Variants in LARGE1 observed in about 807,000 individuals in gnomAD.
LARGE1 encodes LARGE xylosyl- and glucuronyltransferase 1.
LARGE1 carries 43 observed loss-of-function variants against 87.6 expected under a neutral mutation model. That is an observed-to-expected ratio of 0.49 (90% CI 0.38 to 0.63). LARGE1 has a LOEUF of 0.63. LARGE1 is among the 30% of genes least tolerant of loss of function. LARGE1 has a pLI of 0.00. For missense variants in LARGE1, 802 were observed against 1,000.2 expected, an observed-to-expected ratio of 0.80 and a Z score of 2.67; for synonymous variants, 434 against 394.6, an observed-to-expected ratio of 1.10 and a Z score of -1.18.
intron 11 of LARGE1, among the ~76,000 whole-genome samples, chr22:33,228,642 C>A (rs899237733): frequency 6.6e-6 from 1 of 152,182 alleles, no homozygotes; most frequent in Admixed American, 6.5e-5. Context: ...TCTTTCTCTG[C>A]AATACCAGCT....
chr22:33,821,225 A>C (rs376352284), intron 1 of LARGE1, among the ~76,000 whole-genome samples: 33 of 152,246 alleles, frequency 2.2e-4, no homozygotes, highest in African/African-American at 7.7e-4. Flanking sequence ...GTCACTTCCT[A>C]AGCACAGACG....
At chr22:33,466,726 A>ACTACACACACATACACACACACC (rs2068633655) in intron 6 of LARGE1, among the ~76,000 whole-genome samples, 2 of 149,048 alleles carry the variant, frequency 1.3e-5, no homozygotes, top group Non-Finnish European at 3.0e-5. Context: ...ACACACACAC[A>ACTACACACACATACACACACACC]CTACACACAC....
intron 3 of LARGE1, among the ~76,000 whole-genome samples, chr22:33,632,165 C>T (rs994763354): frequency 1.3e-5 from 2 of 152,170 alleles, no homozygotes; most frequent in African/African-American, 4.8e-5. Context: ...ATCTATCGCC[C>T]AGGCTGGAAT....
intron 1 of LARGE1, among the ~76,000 whole-genome samples, chr22:33,843,520 C>T (rs1346576897): frequency 6.6e-6 from 1 of 151,452 alleles, no homozygotes; most frequent in Non-Finnish European, 1.5e-5. Flanking sequence ...GAAAGAGTAG[C>T]GGATGCAGGA....
chr22:33,260,694 T>C (rs1469881781), intron 11 of LARGE1, among the ~76,000 whole-genome samples: 1 of 152,214 alleles, frequency 6.6e-6, no homozygotes, highest in Non-Finnish European at 1.5e-5. Flanking sequence ...GCCAGTTTTA[T>C]TGTTCAGTCA....
chr22:33,505,080 C>T (rs145339603), intron 6 of LARGE1, among the ~76,000 whole-genome samples: 155 of 152,364 alleles, frequency 1.0e-3, no homozygotes, highest in African/African-American at 3.6e-3. Flanking sequence ...AGCCGCTCAA[C>T]ACACAGAGGA....
At chr22:33,780,982 T>G (rs144085762) in intron 1 of LARGE1, among the ~76,000 whole-genome samples, 1 of 152,244 alleles carries the variant, frequency 6.6e-6, no homozygotes, top group East Asian at 1.9e-4. Flanking sequence ...ATAACTGCGA[T>G]AGCGCACAAA....
intron 5 of LARGE1, among the ~76,000 whole-genome samples, chr22:33,596,242 G>T (rs561012461): frequency 5.3e-5 from 8 of 152,316 alleles, no homozygotes; most frequent in Non-Finnish European, 1.0e-4. Flanking sequence ...TTATAATGCA[G>T]ATTAGAGTTT....
intron 12 of LARGE1, among the ~76,000 whole-genome samples, chr22:33,297,420 C>T (rs1317511939): frequency 6.6e-6 from 1 of 151,730 alleles, no homozygotes; most frequent in Non-Finnish European, 1.5e-5. Context: ...ACCAGCCTGG[C>T]CAACACGGCA....
intron 1 of LARGE1, among the ~76,000 whole-genome samples, chr22:33,812,918 T>G (rs1239773473): frequency 6.6e-6 from 1 of 152,148 alleles, no homozygotes; most frequent in Non-Finnish European, 1.5e-5. Flanking sequence ...AAAAGACAAA[T>G]AAAACAGAGA....
chr22:33,520,574 A>G (rs1255429520), intron 6 of LARGE1, among the ~76,000 whole-genome samples: 1 of 152,204 alleles, frequency 6.6e-6, no homozygotes, highest in African/African-American at 2.4e-5. Context: ...CCCACTGCCC[A>G]CCTGGGCATT....
the LARGE1 span, among the ~76,000 whole-genome samples, chr22:33,150,733 G>T: frequency 6.8e-4 from 103 of 152,162 alleles, no homozygotes; most frequent in African/African-American, 2.4e-3. Context: ...GTGTTTGCTT[G>T]TTGGCAAAAA....
chr22:33,367,851 C>G (rs2064654088), intron 9 of LARGE1, among the ~76,000 whole-genome samples: 1 of 151,816 alleles, frequency 6.6e-6, no homozygotes, highest in Non-Finnish European at 1.5e-5. Context: ...TTATTTTATC[C>G]CACTAATTTT....
rs575475031 is a variant in LARGE1, at chr22:33,610,662, C to A, written c.492-6104G>T. Among the ~76,000 whole-genome samples, 8 of 152,204 alleles carry A rather than the reference C, an allele frequency of 5.3e-5. No homozygotes were observed. The East Asian group carries it at 1.4e-3, about 26-fold the overall frequency. On this transcript the variant is annotated intron_variant, in intron 4 of 14. Coordinates refer to ENST00000397394, the MANE Select transcript of LARGE1 (RefSeq NM_133642.5). ...GGTGGTGGGTGGTGGGGGAGAAGAA[C>A]CCACAACTTGCTAGAGATATTAGCA...
intron 6 of LARGE1, among the ~76,000 whole-genome samples, chr22:33,523,004 T>C (rs1021569404): frequency 5.3e-5 from 8 of 151,694 alleles, no homozygotes; most frequent in African/African-American, 1.9e-4. Context: ...TTTGTTTGTT[T>C]TGTTTTGTTT....
intron 1 of LARGE1, among the ~76,000 whole-genome samples, chr22:33,765,040 G>C (rs1013525381): frequency 3.3e-5 from 5 of 152,186 alleles, no homozygotes; most frequent in African/African-American, 1.2e-4. Context: ...AAGGCAACTA[G>C]CAGTAAGTAG....
At chr22:33,296,912 C>T (rs1419449674) in intron 12 of LARGE1, among the ~76,000 whole-genome samples, 5 of 152,194 alleles carry the variant, frequency 3.3e-5, no homozygotes, top group Non-Finnish European at 7.3e-5. Flanking sequence ...GGGCATGTTA[C>T]TTAGCCTGAA....
At chr22:33,396,453 GAGAGAGTGAC>G (rs1339393965) in intron 7 of LARGE1, among the ~76,000 whole-genome samples, 2 of 145,846 alleles carry the variant, frequency 1.4e-5, no homozygotes, top group Non-Finnish European at 3.0e-5. Context: ...GTGAGAGACA[GAGAGAGTGAC>G]AGAGAGAGAG....
the LARGE1 span, among the ~76,000 whole-genome samples, chr22:33,120,363 TTTCTTTC>T: frequency 1.2e-5 from 1 of 84,908 alleles, no homozygotes; most frequent in Non-Finnish European, 2.2e-5. Context: ...TTTCTTTTTC[TTTCTTTC>T]TTTCTTTCTT....
Sources: allele counts gnomAD v4.1 joint callset (sites outside exome capture counted in the v4.1 genomes callset), GRCh38; gene constraint gnomAD v4.1.1; transcripts MANE v1.5; gene names NCBI Gene and HGNC (gene_info 2026-07-23, HGNC 2026-07-21).